Variants in CDH12 observed in about 807,000 individuals in gnomAD.
The protein encoded by CDH12 is cadherin 12.
In CDH12, 41 loss-of-function variants were observed where a neutral mutation model predicts 74.1. That is an observed-to-expected ratio of 0.55 (90% CI 0.43 to 0.72). The LOEUF (loss-of-function observed/expected upper bound fraction) is 0.72, where lower values mean the gene tolerates loss of function less well. CDH12 is among the 30% of genes least tolerant of loss of function. The pLI, the probability that CDH12 is intolerant of heterozygous loss-of-function variation, is 0.00. For synonymous variants in CDH12, 399 were observed against 355.0 expected (o/e 1.12, Z -1.39); for missense variants, 945 against 977.2 (o/e 0.97, Z 0.44).
chr5:22,267,285 C>T (rs1019880654), intron 3 of CDH12, among the ~76,000 whole-genome samples: 2 of 152,044 alleles, frequency 1.3e-5, no homozygotes, highest in East Asian at 1.9e-4. Context: ...TTATGAGTAA[C>T]GTGTTTTAAT....
chr5:22,188,451 C>T (rs571826108), intron 4 of CDH12, among the ~76,000 whole-genome samples: 78 of 152,120 alleles, frequency 5.1e-4, no homozygotes, highest in Non-Finnish European at 8.8e-4. Flanking sequence ...TCCTTTAGAG[C>T]AACACAAAAC....
intron 1 of CDH12, among the ~76,000 whole-genome samples, chr5:22,722,376 T>A (rs527250917): frequency 1.3e-5 from 2 of 152,348 alleles, no homozygotes; most frequent in Admixed American, 1.3e-4. Context: ...CAAAGCCACG[T>A]TGTGGCACTC....
chr5:21,903,355 G>T (rs370274586), intron 6 of CDH12, among the ~76,000 whole-genome samples: 2 of 152,102 alleles, frequency 1.3e-5, no homozygotes, highest in Non-Finnish European at 2.9e-5. Flanking sequence ...AGAAGAGATT[G>T]TAAGTACGTT....
chr5:22,269,956 G>A (rs1279889236), intron 3 of CDH12, among the ~76,000 whole-genome samples: 2 of 151,994 alleles, frequency 1.3e-5, no homozygotes, highest in African/African-American at 2.4e-5. Flanking sequence ...TTATAAAATC[G>A]TGATTCATTC....
intron 4 of CDH12, among the ~76,000 whole-genome samples, chr5:22,105,921 T>A (rs1034530299): frequency 2.0e-5 from 3 of 152,126 alleles, no homozygotes; most frequent in African/African-American, 4.8e-5. Context: ...ATAATATAAC[T>A]TTTCCTTAAA....
chr5:22,633,539 G>C (rs964130608), intron 1 of CDH12, among the ~76,000 whole-genome samples: 2 of 152,156 alleles, frequency 1.3e-5, no homozygotes, highest in Admixed American at 1.3e-4. Flanking sequence ...TGAATTGGTG[G>C]ACAGAGTAAA....
chr5:22,555,767 G>A (rs1738775706), intron 1 of CDH12, among the ~76,000 whole-genome samples: 1 of 151,828 alleles, frequency 6.6e-6, no homozygotes, highest in African/African-American at 2.4e-5. Context: ...AAGTATTTGT[G>A]TATTCTTTTC....
At chr5:21,956,330 G>A (rs1288521840) in intron 6 of CDH12, among the ~76,000 whole-genome samples, 2 of 151,832 alleles carry the variant, frequency 1.3e-5, no homozygotes, top group South Asian at 4.2e-4. Flanking sequence ...GATCAGAAAT[G>A]TATTAAAATT....
At chr5:22,641,721 C>G (rs924330316) in intron 1 of CDH12, among the ~76,000 whole-genome samples, 1 of 152,156 alleles carries the variant, frequency 6.6e-6, no homozygotes, top group Non-Finnish European at 1.5e-5. Flanking sequence ...CCAACTCTTT[C>G]TTGCTATTCA....
chr5:22,181,436 T>A (rs1749640702), intron 4 of CDH12, among the ~76,000 whole-genome samples: 1 of 152,136 alleles, frequency 6.6e-6, no homozygotes, highest in African/African-American at 2.4e-5. Context: ...AATACTGAAA[T>A]TCTGAAAGAC....
chr5:22,016,227 C>T (rs1410673750), intron 5 of CDH12, among the ~76,000 whole-genome samples: 1 of 151,786 alleles, frequency 6.6e-6, no homozygotes. Context: ...GCCAGTGTAA[C>T]AAAAGGAAAT....
intron 2 of CDH12, among the ~76,000 whole-genome samples, chr5:22,428,262 A>G (rs1319410610): frequency 2.0e-5 from 3 of 152,152 alleles, no homozygotes; most frequent in African/African-American, 4.8e-5. Flanking sequence ...GAGCATATGT[A>G]TATATAGATA....
At chr5:21,970,869 AAAAAAGAAAAAAG>A (rs1756821486) in intron 6 of CDH12, among the ~76,000 whole-genome samples, 1 of 143,424 alleles carries the variant, frequency 7.0e-6, no homozygotes, top group Non-Finnish European at 1.5e-5. Flanking sequence ...AAAAAAAAAA[AAAAAAGAAAAAAG>A]AAAATAGTCT....
intron 1 of CDH12, among the ~76,000 whole-genome samples, chr5:22,604,412 C>T (rs995376853): frequency 1.3e-5 from 2 of 152,196 alleles, no homozygotes; most frequent in African/African-American, 4.8e-5. Context: ...GCCACACATG[C>T]AGCTACAGAG....
At chr5:22,675,866 A>G (rs939905079) in intron 1 of CDH12, among the ~76,000 whole-genome samples, 16 of 30,762 alleles carry the variant, frequency 5.2e-4, no homozygotes, top group Non-Finnish European at 1.8e-4. Flanking sequence ...ATACTTTTGT[A>G]TCTCATATAT....
At chr5:22,650,009 T>C (rs539308299) in intron 1 of CDH12, among the ~76,000 whole-genome samples, 4 of 152,014 alleles carry the variant, frequency 2.6e-5, no homozygotes, top group Admixed American at 6.6e-5. Flanking sequence ...CATGGGTGTC[T>C]ATATAACATA....
intron 1 of CDH12, among the ~76,000 whole-genome samples, chr5:22,705,239 G>A (rs573782998): frequency 6.6e-6 from 1 of 151,104 alleles, no homozygotes; most frequent in Non-Finnish European, 1.5e-5. Context: ...AATATAGAAG[G>A]AGGAATTGAG....
At position 22,519,166 on chromosome 5, in the gene CDH12, G is replaced by A. The variant is rs190191538; in HGVS notation, c.-522-13802C>T. ...TGAGTCTTAGTTTGTCCCAGGCACTGGACAGTATCCAAGAGGCACAGGACT... is the reference window on the plus strand; with the variant it reads ...TGAGTCTTAGTTTGTCCCAGGCACTAGACAGTATCCAAGAGGCACAGGACT... On this transcript the variant is annotated intron_variant, in intron 1 of 14. Transcript: ENST00000382254. Among the ~76,000 whole-genome samples the A allele has an allele frequency of 5.9e-5, 9 of 152,192 alleles. No individual in the cohort carries two copies. In the East Asian group the frequency reaches 1.5e-3, roughly 26 times the overall value.
At chr5:21,790,814 T>C (rs1017519407) in intron 10 of CDH12, among the ~76,000 whole-genome samples, 2 of 152,024 alleles carry the variant, frequency 1.3e-5, no homozygotes, top group African/African-American at 4.8e-5. Flanking sequence ...CATTTTCTTA[T>C]CTGGCATCAA....
Sources: gnomAD v4.1 joint callset for allele counts (sites outside exome capture counted in the v4.1 genomes callset) on GRCh38, gnomAD v4.1.1 for gene constraint, MANE v1.5 for transcripts, NCBI Gene and HGNC (gene_info 2026-07-23, HGNC 2026-07-21) for gene names.